The following RBFOX1 variants were observed in gnomAD, a reference collection of about 807,000 sequenced individuals.
RBFOX1 encodes RNA binding fox-1 homolog 1.
RBFOX1 carries 8 observed loss-of-function variants against 57.7 expected under a neutral mutation model. That is an observed-to-expected ratio of 0.14 (90% CI 0.08 to 0.25). The LOEUF is 0.25. RBFOX1 is among the 10% of genes least tolerant of loss of function. RBFOX1 has a pLI of 1.00. For missense variants in RBFOX1, 611 were observed against 548.5 expected (o/e 1.11, Z -1.14); for synonymous variants, 326 against 222.4 (o/e 1.47, Z -4.15).
intron 4 of RBFOX1, among the ~76,000 whole-genome samples, chr16:7,349,011 C>T (rs1456764625): frequency 6.6e-6 from 1 of 152,104 alleles, no homozygotes; most frequent in African/African-American, 2.4e-5. Context: ...TAGGAGGCTT[C>T]TGCTTTCAGA....
chr16:6,230,138 C>A (rs1179256243), intron 1 of RBFOX1, among the ~76,000 whole-genome samples: 2 of 152,024 alleles, frequency 1.3e-5, no homozygotes, highest in African/African-American at 2.4e-5. Flanking sequence ...TCGCAGAGAG[C>A]AAATAGCTTT....
intron 3 of RBFOX1, among the ~76,000 whole-genome samples, chr16:6,724,155 C>G (rs1050046574): frequency 6.6e-6 from 1 of 151,684 alleles, no homozygotes; most frequent in Non-Finnish European, 1.5e-5. Flanking sequence ...AGAGGCTTTA[C>G]AGACCTCCTT....
intron 3 of RBFOX1, among the ~76,000 whole-genome samples, chr16:6,680,506 G>A (rs1237838661): frequency 2.0e-5 from 3 of 151,922 alleles, no homozygotes; most frequent in Non-Finnish European, 4.4e-5. Flanking sequence ...CTCATGATCC[G>A]CCTGCCTCGG....
intron 1 of RBFOX1, among the ~76,000 whole-genome samples, chr16:6,213,623 C>G (rs953034341): frequency 6.6e-6 from 1 of 152,136 alleles, no homozygotes; most frequent in Non-Finnish European, 1.5e-5. Flanking sequence ...GTGTATGAAC[C>G]TGGGAGTCAT....
At chr16:5,383,489 A>T (rs1193768441) in intron 1 of RBFOX1, among the ~76,000 whole-genome samples, 2 of 152,216 alleles carry the variant, frequency 1.3e-5, no homozygotes, top group African/African-American at 4.8e-5. Context: ...CATGCATGCT[A>T]TGCAAAACAC....
chr16:5,869,767 A>G (rs921977760), intron 4 of RBFOX1, among the ~76,000 whole-genome samples: 2 of 152,216 alleles, frequency 1.3e-5, no homozygotes, highest in Admixed American at 1.3e-4. Flanking sequence ...GAGTTGCAGT[A>G]GTTCCTACAT....
At chr16:5,441,185 T>A (rs1314613496) in intron 1 of RBFOX1, among the ~76,000 whole-genome samples, 1 of 151,996 alleles carries the variant, frequency 6.6e-6, no homozygotes, top group Non-Finnish European at 1.5e-5. Context: ...ATAATTTCAG[T>A]GTCATATTTT....
intron 1 of RBFOX1, among the ~76,000 whole-genome samples, chr16:6,176,273 G>A (rs1273224811): frequency 2.0e-5 from 3 of 149,496 alleles, no homozygotes; most frequent in Admixed American, 1.3e-4. Flanking sequence ...AGCCTCCCGA[G>A]TAGCTGGGAT....
chr16:7,456,946 A>G (rs1045409747), intron 4 of RBFOX1, among the ~76,000 whole-genome samples: 39 of 151,964 alleles, frequency 2.6e-4, no homozygotes, highest in African/African-American at 8.9e-4. Flanking sequence ...GGCTGAGTGC[A>G]ATGGCGCGAT....
At chr16:7,201,972 T>G (rs1296715590) in intron 4 of RBFOX1, among the ~76,000 whole-genome samples, 1 of 152,144 alleles carries the variant, frequency 6.6e-6, no homozygotes, top group Non-Finnish European at 1.5e-5. Flanking sequence ...GGAAGCCAAT[T>G]AACACCTAAG....
chr16:6,856,588 C>T (rs184344916), intron 3 of RBFOX1, among the ~76,000 whole-genome samples: 4 of 152,156 alleles, frequency 2.6e-5, no homozygotes, highest in Admixed American at 6.5e-5. Context: ...TCTGTCCCTT[C>T]AGGCCACCGT....
chr16:5,811,398 C>G (rs981057965), intron 3 of RBFOX1, among the ~76,000 whole-genome samples: 17 of 151,826 alleles, frequency 1.1e-4, no homozygotes, highest in Non-Finnish European at 2.2e-4. Flanking sequence ...CTGCCTCGGC[C>G]TCTCAAAGTG....
chr16:7,611,038 A>T (rs371022161), intron 10 of RBFOX1, among the ~76,000 whole-genome samples: 10 of 152,386 alleles, frequency 6.6e-5, no homozygotes, highest in African/African-American at 1.4e-4. Context: ...ATAGAAAGCC[A>T]GACTTATTAG....
chr16:5,644,559 A>G (rs930597161), intron 3 of RBFOX1, among the ~76,000 whole-genome samples: 1 of 152,344 alleles, frequency 6.6e-6, no homozygotes, highest in Non-Finnish European at 1.5e-5. Flanking sequence ...GATACATTGC[A>G]GGAACTCAGC....
In RBFOX1 at chr16:6,443,509, A is replaced by G. The variant is rs75770100; in HGVS notation, c.-64+126452A>G. Among the ~76,000 whole-genome samples the G allele has an allele frequency of 1.6e-3, 245 of 152,162 alleles. 2 individuals are homozygous for G. The highest frequency in any genetic ancestry group is 0.012 in the East Asian group (64 of 5,172). ...CTAGTACACAAGGACCTTCCTGAAA[A>G]TCTCTCAAGGATGTGAGCAGGAGCC... is the stretch of plus-strand genomic sequence containing the variant. On this transcript the variant is annotated intron_variant, in intron 2 of 15. Coordinates refer to ENST00000550418, the MANE Select transcript of RBFOX1 (RefSeq NM_018723.4).
intron 2 of RBFOX1, among the ~76,000 whole-genome samples, chr16:6,632,389 A>T (rs2098396129): frequency 6.6e-6 from 1 of 152,056 alleles, no homozygotes; most frequent in African/African-American, 2.4e-5. Flanking sequence ...CCTCATAAAC[A>T]GTATGGAGAC....
chr16:5,806,800 GTCAGCCCAGC>G (rs1046353969), intron 3 of RBFOX1, among the ~76,000 whole-genome samples: 1 of 152,054 alleles, frequency 6.6e-6, no homozygotes, highest in Admixed American at 6.6e-5. Flanking sequence ...CACTGATGCT[GTCAGCCCAGC>G]TCAGCCCTCT....
intron 1 of RBFOX1, among the ~76,000 whole-genome samples, chr16:6,108,790 C>T (rs1443024379): frequency 6.6e-6 from 1 of 152,104 alleles, no homozygotes; most frequent in Non-Finnish European, 1.5e-5. Flanking sequence ...TCCCTGACTC[C>T]TTCCAATCTA....
intron 4 of RBFOX1, among the ~76,000 whole-genome samples, chr16:7,294,221 C>T (rs556698640): frequency 2.0e-5 from 3 of 152,202 alleles, no homozygotes; most frequent in Non-Finnish European, 2.9e-5. Context: ...GTTTTTGTCT[C>T]TGCCGCCTAC....
Sources: allele counts gnomAD v4.1 joint callset (sites outside exome capture counted in the v4.1 genomes callset), GRCh38; gene constraint gnomAD v4.1.1; transcripts MANE v1.5; gene names NCBI Gene and HGNC (gene_info 2026-07-23, HGNC 2026-07-21).